Variants in ST6GALNAC5 observed in about 807,000 individuals in gnomAD.
ST6GALNAC5 encodes the protein alpha-N-acetylgalactosaminide alpha-2,6-sialyltransferase 5.
A neutral mutation model predicts 33.6 loss-of-function variants in ST6GALNAC5; 27 were observed. The ratio of observed to expected loss-of-function variants is 0.80; its 90% CI spans 0.59 to 1.11. ST6GALNAC5 has a LOEUF of 1.11. Ranked by LOEUF, ST6GALNAC5 falls within the 50% of genes least tolerant of loss-of-function variation. The pLI is 0.00. For synonymous variants in ST6GALNAC5, 194 were observed against 171.2 expected, an observed-to-expected ratio of 1.13 and a Z score of -1.04; for missense variants, 428 against 454.0, an observed-to-expected ratio of 0.94 and a Z score of 0.52.
chr1:76,978,595 C>G (rs1649121905), intron 2 of ST6GALNAC5, among the ~76,000 whole-genome samples: 1 of 152,188 alleles, frequency 6.6e-6, no homozygotes, highest in Non-Finnish European at 1.5e-5. Flanking sequence ...GACAAAAACT[C>G]TTAACAAATT....
intron 2 of ST6GALNAC5, among the ~76,000 whole-genome samples, chr1:76,976,528 C>T (rs1373544651): frequency 1.3e-5 from 2 of 151,976 alleles, no homozygotes; most frequent in Non-Finnish European, 2.9e-5. Flanking sequence ...ATAAAAGTTC[C>T]CTGTGCCTTC....
intron 2 of ST6GALNAC5, among the ~76,000 whole-genome samples, chr1:76,913,500 AC>A (rs1350766781): frequency 6.6e-6 from 1 of 152,034 alleles, no homozygotes; most frequent in Non-Finnish European, 1.5e-5. Flanking sequence ...CCTGGATAAT[AC>A]CCTGCAGAGT....
chr1:76,901,882 CAA>C (rs1646820451), intron 2 of ST6GALNAC5, among the ~76,000 whole-genome samples: 1 of 152,088 alleles, frequency 6.6e-6, no homozygotes, highest in African/African-American at 2.4e-5. Flanking sequence ...TTTGTAATAA[CAA>C]ATATTATACA....
chr1:76,895,981 G>A (rs907198008), intron 2 of ST6GALNAC5, among the ~76,000 whole-genome samples: 1 of 152,222 alleles, frequency 6.6e-6, no homozygotes, highest in African/African-American at 2.4e-5. Flanking sequence ...TGAGCTTGGT[G>A]TGGTGTGTTT....
At chr1:76,888,980 A>G (rs2100245862) in intron 2 of ST6GALNAC5, among the ~76,000 whole-genome samples, 1 of 152,224 alleles carries the variant, frequency 6.6e-6, no homozygotes, top group African/African-American at 2.4e-5. Context: ...ATTAACTATA[A>G]TCACTGTGAT....
Position 77,063,489 on chromosome 1 carries a change from A to T in ST6GALNAC5, c.*283A>T. On this transcript the variant is annotated 3_prime_UTR_variant, in exon 5 of 5. Transcript: ENST00000477717. ...ACCACTATGACTAAAAACAGTTTGG[A>T]TCTCTTAGTATTGCCTTTGAAACTG... The T allele has an allele frequency of 2.5e-6, 1 of 406,908 alleles. No individual in the cohort carries two copies. Among genetic ancestry groups the T allele is most frequent in the Non-Finnish European group, 4.5e-6 (1 of 221,620 alleles). 25.2% of individuals were successfully genotyped at this position (406,908 alleles called of 1,614,324 possible). A position where few individuals can be genotyped will look rare whatever the true frequency, so the allele number is the denominator to read the frequency against.
chr1:76,881,233 G>C (rs1034879667), intron 2 of ST6GALNAC5, among the ~76,000 whole-genome samples: 3 of 152,146 alleles, frequency 2.0e-5, no homozygotes, highest in African/African-American at 7.2e-5. Context: ...TTGGGGGGAG[G>C]TATGTGCATT....
At chr1:76,873,140 C>G (rs1653548233) in intron 2 of ST6GALNAC5, among the ~76,000 whole-genome samples, 1 of 152,106 alleles carries the variant, frequency 6.6e-6, no homozygotes, top group Non-Finnish European at 1.5e-5. Context: ...TTCATTCTGC[C>G]TCAGGACCTT....
intron 2 of ST6GALNAC5, among the ~76,000 whole-genome samples, chr1:76,950,677 AT>A (rs201979671): frequency 4.0e-5 from 6 of 151,578 alleles, no homozygotes; most frequent in Non-Finnish European, 7.4e-5. Context: ...AAAGGGATGT[AT>A]TTTTTTTTCC....
rs544466961 is a variant in ST6GALNAC5, at chr1:76,919,797, C to T, written c.261+51055C>T. 3.9e-5 allele frequency among the ~76,000 whole-genome samples: 6 copies of T among 152,208 alleles called. No individual in the cohort carries two copies. In the East Asian group the frequency reaches 1.2e-3, roughly 29 times the overall value. Reference sequence around the variant, plus strand: ...ATTATAATCTTGGCAAATCAGAATTCCTTTGCCCTAAAATAACTGTAATCA... The same window carrying T: ...ATTATAATCTTGGCAAATCAGAATTTCTTTGCCCTAAAATAACTGTAATCA... On this transcript the variant is annotated intron_variant, in intron 2 of 4. Transcript: ENST00000477717.
At chr1:76,899,330 T>C (rs1419267625) in intron 2 of ST6GALNAC5, among the ~76,000 whole-genome samples, 1 of 151,698 alleles carries the variant, frequency 6.6e-6, no homozygotes, top group Non-Finnish European at 1.5e-5. Context: ...GGTGGGGGTT[T>C]CTTGCCCTCC....
At chr1:77,013,076 T>C (rs577585748) in intron 2 of ST6GALNAC5, among the ~76,000 whole-genome samples, 117 of 152,214 alleles carry the variant, frequency 7.7e-4, no homozygotes, top group South Asian at 1.5e-3. Flanking sequence ...GAAGGAGCAG[T>C]GTGTGCACAA....
intron 2 of ST6GALNAC5, among the ~76,000 whole-genome samples, chr1:76,918,077 T>C (rs1377267983): frequency 6.6e-6 from 1 of 152,156 alleles, no homozygotes; most frequent in East Asian, 1.9e-4. Context: ...ATTTGACACA[T>C]AAGTTAACTG....
chr1:77,058,744 G>C (rs546385829), intron 4 of ST6GALNAC5, among the ~76,000 whole-genome samples: 5 of 152,206 alleles, frequency 3.3e-5, no homozygotes, highest in African/African-American at 1.2e-4. Context: ...AGTGTATGTG[G>C]AGTGCTGAGC....
chr1:76,923,163 C>T (rs1371806019), intron 2 of ST6GALNAC5, among the ~76,000 whole-genome samples: 1 of 151,364 alleles, frequency 6.6e-6, no homozygotes, highest in Non-Finnish European at 1.5e-5. Context: ...CAAGATGTTA[C>T]AATTGGGGAA....
At chr1:77,052,562 A>T (rs1329019943) in intron 4 of ST6GALNAC5, among the ~76,000 whole-genome samples, 1 of 151,932 alleles carries the variant, frequency 6.6e-6, no homozygotes, top group African/African-American at 2.4e-5. Flanking sequence ...AATATTAATA[A>T]GATATGTAAA....
At chr1:76,953,140 T>C (rs1007998435) in intron 2 of ST6GALNAC5, among the ~76,000 whole-genome samples, 2 of 152,150 alleles carry the variant, frequency 1.3e-5, no homozygotes, top group Non-Finnish European at 1.5e-5. Context: ...AGAGCTGCCA[T>C]AGACATTTGT....
chr1:76,936,019 C>T (rs1307577329), intron 2 of ST6GALNAC5, among the ~76,000 whole-genome samples: 2 of 152,000 alleles, frequency 1.3e-5, no homozygotes, highest in Non-Finnish European at 2.9e-5. Flanking sequence ...AGAGAAAGAA[C>T]CAAGAATTAG....
rs74089799 is a variant in ST6GALNAC5 at position 76,872,120 on chromosome 1, A to C, written c.261+3378A>C. 9.2e-3 allele frequency among the ~76,000 whole-genome samples: 1,182 copies of C among 128,072 alleles called. 14 individuals are homozygous for C. Among genetic ancestry groups the C allele is most frequent in the African/African-American group, 0.037 (1,105 of 29,526 alleles). 84.0% of individuals were successfully genotyped at this position (128,072 alleles called of 152,430 possible). ...ACACACACACACACACACACACACC[A>C]CACACATTAAATCAAGAAATACTCA... On this transcript the variant is annotated intron_variant, in intron 2 of 4. Transcript: ENST00000477717.
Sources: allele counts gnomAD v4.1 joint callset (sites outside exome capture counted in the v4.1 genomes callset), GRCh38; gene constraint gnomAD v4.1.1; transcripts MANE v1.5; gene names NCBI Gene and HGNC (gene_info 2026-07-23, HGNC 2026-07-21).